ELMO1: variants seen among roughly 807,000 people sequenced by gnomAD.
The protein encoded by ELMO1 is engulfment and cell motility protein 1.
In ELMO1, 26 loss-of-function variants were observed where a neutral mutation model predicts 98.9. The ratio of observed to expected loss-of-function variants is 0.26; its 90% CI spans 0.19 to 0.36. ELMO1 has a LOEUF of 0.36. ELMO1 is among the 10% of genes least tolerant of loss of function. The pLI, the probability that ELMO1 is intolerant of heterozygous loss-of-function variation, is 1.00. For synonymous variants in ELMO1, 346 were observed against 346.0 expected, an observed-to-expected ratio of 1.00 and a Z score of 0.00; for missense variants, 627 against 935.2, an observed-to-expected ratio of 0.67 and a Z score of 4.30.
chr7:37,123,634 G>A (rs1162388237), intron 14 of ELMO1, among the ~76,000 whole-genome samples: 1 of 152,170 alleles, frequency 6.6e-6, no homozygotes, highest in African/African-American at 2.4e-5. Flanking sequence ...CTGAAATTGA[G>A]GCAATAATTA....
At chr7:37,036,414 A>C (rs547697597) in intron 15 of ELMO1, among the ~76,000 whole-genome samples, 3 of 152,344 alleles carry the variant, frequency 2.0e-5, no homozygotes, top group African/African-American at 7.2e-5. Context: ...TCTGTCACCC[A>C]GGTTGGAGTG....
chr7:37,245,379 G>A (rs1330590988), intron 6 of ELMO1, among the ~76,000 whole-genome samples: 1 of 152,112 alleles, frequency 6.6e-6, no homozygotes, highest in Non-Finnish European at 1.5e-5. Flanking sequence ...ATACACGGTT[G>A]ACAAACGATT....
chr7:36,998,159 G>C (rs933111447), intron 16 of ELMO1, among the ~76,000 whole-genome samples: 1 of 152,170 alleles, frequency 6.6e-6, no homozygotes, highest in Admixed American at 6.5e-5. Flanking sequence ...GCATGAAGGT[G>C]TAAGGGATAA....
intron 15 of ELMO1, among the ~76,000 whole-genome samples, chr7:37,077,555 A>C (rs1172824814): frequency 1.3e-5 from 2 of 152,212 alleles, no homozygotes; most frequent in African/African-American, 4.8e-5. Context: ...GGATTGGAGG[A>C]GGCAAGTATG....
At chr7:37,336,787 A>T (rs1201799084) in intron 2 of ELMO1, among the ~76,000 whole-genome samples, 4 of 152,262 alleles carry the variant, frequency 2.6e-5, no homozygotes, top group African/African-American at 9.6e-5. Flanking sequence ...TGTTCATGCA[A>T]ATATTAAAAT....
intron 13 of ELMO1, among the ~76,000 whole-genome samples, chr7:37,198,584 T>C (rs1357372111): frequency 6.6e-6 from 1 of 152,268 alleles, no homozygotes; most frequent in Non-Finnish European, 1.5e-5. Flanking sequence ...CCAGGCAGTC[T>C]GGCACCAAAG....
intron 14 of ELMO1, among the ~76,000 whole-genome samples, chr7:37,101,006 C>A (rs531050830): frequency 2.0e-5 from 3 of 152,216 alleles, no homozygotes; most frequent in African/African-American, 7.2e-5. Flanking sequence ...TCAGAGAGTT[C>A]GTGTTTTTAT....
chr7:37,203,888 C>A (rs563719127), intron 13 of ELMO1, among the ~76,000 whole-genome samples: 1 of 152,176 alleles, frequency 6.6e-6, no homozygotes, highest in African/African-American at 2.4e-5. Flanking sequence ...CCCAGAAGTA[C>A]AGGAAAAGCA....
chr7:37,357,400 C>T (rs901535430), intron 1 of ELMO1, among the ~76,000 whole-genome samples: 1 of 152,156 alleles, frequency 6.6e-6, no homozygotes, highest in Non-Finnish European at 1.5e-5. Flanking sequence ...ATGAGCTTTG[C>T]TGGCGAGACC....
intron 16 of ELMO1, among the ~76,000 whole-genome samples, chr7:36,998,551 A>T (rs1363322787): frequency 6.6e-6 from 1 of 152,084 alleles, no homozygotes; most frequent in Non-Finnish European, 1.5e-5. Context: ...GTCTGTATCT[A>T]TATCTGTATA....
At chr7:37,032,421 A>G (rs1293112608) in intron 15 of ELMO1, among the ~76,000 whole-genome samples, 1 of 152,150 alleles carries the variant, frequency 6.6e-6, no homozygotes, top group African/African-American at 2.4e-5. Flanking sequence ...GAAGGTCAGT[A>G]ACTGGATGCT....
chr7:37,179,202 G>A (rs1044121988), intron 13 of ELMO1, among the ~76,000 whole-genome samples: 2 of 151,484 alleles, frequency 1.3e-5, no homozygotes, highest in African/African-American at 4.8e-5. Flanking sequence ...TTCTTAGAGG[G>A]AACAGACTGG....
chr7:37,402,535 C>T (rs1341588421), intron 1 of ELMO1, among the ~76,000 whole-genome samples: 1 of 152,090 alleles, frequency 6.6e-6, no homozygotes, highest in Non-Finnish European at 1.5e-5. Flanking sequence ...CATCTTAAGA[C>T]CATGAAGTAT....
At chr7:36,961,299 G>T (rs997212252) in intron 16 of ELMO1, among the ~76,000 whole-genome samples, 5 of 152,072 alleles carry the variant, frequency 3.3e-5, no homozygotes, top group African/African-American at 7.2e-5. Flanking sequence ...CATCACCCAC[G>T]CACGGGGACA....
chr7:37,221,053 C>T (rs1793567020), intron 10 of ELMO1, among the ~76,000 whole-genome samples: 1 of 152,096 alleles, frequency 6.6e-6, no homozygotes, highest in Admixed American at 6.5e-5. Flanking sequence ...ACAGAAGCAG[C>T]CCTATCGATG....
At chr7:37,019,261 T>C (rs1794133284) in intron 15 of ELMO1, among the ~76,000 whole-genome samples, 1 of 152,224 alleles carries the variant, frequency 6.6e-6, no homozygotes, top group Non-Finnish European at 1.5e-5. Context: ...CATGAAGGGG[T>C]TGGCCTGCCA....
At chr7:36,925,321 C>T (rs376382409) in intron 16 of ELMO1, among the ~76,000 whole-genome samples, 1 of 152,262 alleles carries the variant, frequency 6.6e-6, no homozygotes, top group Middle Eastern at 3.4e-3. Context: ...AGTGCTTGAA[C>T]GCTTCCAGAG....
chr7:37,120,079 T>A (rs145568932), intron 14 of ELMO1, among the ~76,000 whole-genome samples: 8 of 152,348 alleles, frequency 5.3e-5, no homozygotes, highest in African/African-American at 1.7e-4. Context: ...TTATACAAAT[T>A]CCGTTGGGTA....
intron 6 of ELMO1, among the ~76,000 whole-genome samples, chr7:37,252,555 C>A (rs1795409644): frequency 6.6e-6 from 1 of 152,168 alleles, no homozygotes; most frequent in Admixed American, 6.5e-5. Flanking sequence ...TGTGCCACTT[C>A]CTTACACCTT....
Sources: allele counts gnomAD v4.1 joint callset (sites outside exome capture counted in the v4.1 genomes callset), GRCh38; gene constraint gnomAD v4.1.1; transcripts MANE v1.5; gene names NCBI Gene and HGNC (gene_info 2026-07-23, HGNC 2026-07-21).